The following BMAL2 variants were observed in gnomAD, a reference collection of about 807,000 sequenced individuals.
BMAL2 encodes basic helix-loop-helix ARNT-like protein 2.
chr12:27,407,935 A>G, the BMAL2 span, among the ~76,000 whole-genome samples: 3 of 152,244 alleles, frequency 2.0e-5, no homozygotes, highest in African/African-American at 4.8e-5. Flanking sequence ...CCACAGAAAT[A>G]CAAACTACCA....
the BMAL2 span, among the ~76,000 whole-genome samples, chr12:27,420,019 G>GCGCGCACACACACA: frequency 4.1e-3 from 606 of 147,564 alleles, 3 homozygotes; most frequent in African/African-American, 0.014. Flanking sequence ...GTTTGCGCGT[G>GCGCGCACACACACA]CACACACACA....
At chr12:27,422,952 T>C in the BMAL2 span, 12 of 152,190 alleles carry the variant, frequency 7.9e-5, no homozygotes, top group African/African-American at 2.9e-4. Flanking sequence ...GTTTTTTCTC[T>C]TTGCAAGAGG....
the BMAL2 span, among the ~76,000 whole-genome samples, chr12:27,388,052 C>T: frequency 7.3e-3 from 1,114 of 152,164 alleles, 15 homozygotes; most frequent in African/African-American, 0.025. Context: ...CATGATTCCA[C>T]GTTCTAACTG....
the BMAL2 span, chr12:27,402,535 T>A: frequency 8.7e-7 from 1 of 1,145,806 alleles, no homozygotes; most frequent in Non-Finnish European, 1.3e-6. Context: ...AATTGACAAA[T>A]TAAATATACA....
chr12:27,343,484 CATG>C, the BMAL2 span, among the ~76,000 whole-genome samples: 1 of 152,056 alleles, frequency 6.6e-6, no homozygotes, highest in Admixed American at 6.6e-5. Flanking sequence ...TAGTGTGAAT[CATG>C]ATAATGGCCT....
chr12:27,406,644 C>T, the BMAL2 span, among the ~76,000 whole-genome samples: 2 of 152,282 alleles, frequency 1.3e-5, no homozygotes, highest in East Asian at 3.9e-4. Context: ...AAAAACATGC[C>T]AAATTGTAAA....
At chr12:27,380,941 A>G in the BMAL2 span, among the ~76,000 whole-genome samples, 13,880 of 151,760 alleles carry the variant, frequency 0.091, 725 homozygotes, top group South Asian at 0.11. Context: ...AGCAGTAATC[A>G]TGCCACTGCA....
the BMAL2 span, chr12:27,390,022 G>A: frequency 2.3e-5 from 35 of 1,542,316 alleles, 1 homozygote; most frequent in South Asian, 3.8e-4. Context: ...GTCAGAAAAT[G>A]TTAGGAGATA....
the BMAL2 span, among the ~76,000 whole-genome samples, chr12:27,337,856 T>G: frequency 2.0e-5 from 3 of 152,200 alleles, no homozygotes; most frequent in African/African-American, 7.2e-5. Flanking sequence ...AACTCTGACC[T>G]TCAACAAATG....
chr12:27,340,476 G>A, the BMAL2 span, among the ~76,000 whole-genome samples: 1 of 152,034 alleles, frequency 6.6e-6, no homozygotes, highest in Non-Finnish European at 1.5e-5. Flanking sequence ...GTCTGTTTTT[G>A]TACCCCTCCC....
At chr12:27,406,727 A>T in the BMAL2 span, among the ~76,000 whole-genome samples, 1 of 152,216 alleles carries the variant, frequency 6.6e-6, no homozygotes, top group Non-Finnish European at 1.5e-5. Flanking sequence ...GACAGGATCA[A>T]ATTCCCACAT....
At chr12:27,408,953 G>A in the BMAL2 span, among the ~76,000 whole-genome samples, 1 of 152,112 alleles carries the variant, frequency 6.6e-6, no homozygotes, top group Non-Finnish European at 1.5e-5. Flanking sequence ...AACAATAACA[G>A]ACAAACAGAG....
the BMAL2 span, chr12:27,385,418 G>A: frequency 6.1e-6 from 6 of 981,782 alleles, no homozygotes; most frequent in Non-Finnish European, 9.7e-6. Flanking sequence ...CATTGCTAAT[G>A]TTCATTAAGC....
At chr12:27,410,188 G>A in the BMAL2 span, among the ~76,000 whole-genome samples, 36 of 152,196 alleles carry the variant, frequency 2.4e-4, no homozygotes, top group Middle Eastern at 6.8e-3. Flanking sequence ...TCAGTGTGGC[G>A]ATTCCTCAGG....
At chr12:27,346,048 G>T in the BMAL2 span, among the ~76,000 whole-genome samples, 1 of 152,212 alleles carries the variant, frequency 6.6e-6, no homozygotes, top group Non-Finnish European at 1.5e-5. Flanking sequence ...GAGAGACAAT[G>T]TGTGAACAAA....
At chr12:27,341,124 C>T in the BMAL2 span, among the ~76,000 whole-genome samples, 2 of 150,776 alleles carry the variant, frequency 1.3e-5, no homozygotes, top group African/African-American at 2.4e-5. Flanking sequence ...ATTGCTCTGG[C>T]GAGGACTTCT....
chr12:27,390,267 A>ATAAATGTC, the BMAL2 span: 1 of 1,604,768 alleles, frequency 6.2e-7, no homozygotes, highest in South Asian at 1.1e-5. Context: ...CAAGTGATGC[A>ATAAATGTC]AAGCATGGCT....
chr12:27,403,977 A>G, the BMAL2 span, among the ~76,000 whole-genome samples: 1 of 151,614 alleles, frequency 6.6e-6, no homozygotes, highest in Admixed American at 6.6e-5. Flanking sequence ...AGCCTGGGCA[A>G]CATGGCAAAA....
chr12:27,416,242 A>G, the BMAL2 span, among the ~76,000 whole-genome samples: 1 of 152,156 alleles, frequency 6.6e-6, no homozygotes. Flanking sequence ...AATGTCACTG[A>G]TTTCGAGGAT....
Sources: allele counts gnomAD v4.1 joint callset (sites outside exome capture counted in the v4.1 genomes callset), GRCh38; gene constraint gnomAD v4.1.1; transcripts MANE v1.5; gene names NCBI Gene and HGNC (gene_info 2026-07-23, HGNC 2026-07-21).